Variants in XKR9 observed in about 807,000 individuals in gnomAD.
XKR9 encodes the protein XK related 9.
In XKR9, 32 loss-of-function variants were observed where a neutral mutation model predicts 32.0. The ratio of observed to expected loss-of-function variants is 1.00; its 90% CI spans 0.76 to 1.34. The LOEUF is 1.34. Among genes scored for constraint, XKR9 ranks in the 40% most tolerant of loss-of-function variants. The probability of loss-of-function intolerance (pLI) is 0.00; values close to 1 mark genes in which losing one functional copy is unlikely to be tolerated. For synonymous variants in XKR9, 168 were observed against 143.4 expected, an observed-to-expected ratio of 1.17 and a Z score of -1.22; for missense variants, 546 against 429.7, an observed-to-expected ratio of 1.27 and a Z score of -2.39.
chr8:70,724,725 A>T (rs1261724077), intron 4 of XKR9, among the ~76,000 whole-genome samples: 1 of 152,052 alleles, frequency 6.6e-6, no homozygotes, highest in Non-Finnish European at 1.5e-5. Flanking sequence ...AACCAGTCCC[A>T]ATGAGATGAA....
the XKR9 span, among the ~76,000 whole-genome samples, chr8:70,804,504 A>G: frequency 6.6e-6 from 1 of 152,248 alleles, no homozygotes; most frequent in African/African-American, 2.4e-5. Flanking sequence ...ATAACATAGT[A>G]CATGTAAAGC....
At chr8:71,050,081 A>G in the XKR9 span, among the ~76,000 whole-genome samples, 5 of 151,950 alleles carry the variant, frequency 3.3e-5, no homozygotes, top group Admixed American at 6.6e-5. Context: ...TCATGGCATC[A>G]TTGTTCTCTG....
At chr8:71,035,867 T>G in the XKR9 span, among the ~76,000 whole-genome samples, 1 of 152,100 alleles carries the variant, frequency 6.6e-6, no homozygotes, top group Non-Finnish European at 1.5e-5. Flanking sequence ...CATAATACCC[T>G]CATTCTAGAG....
At chr8:70,926,388 C>G in the XKR9 span, among the ~76,000 whole-genome samples, 1 of 152,168 alleles carries the variant, frequency 6.6e-6, no homozygotes, top group African/African-American at 2.4e-5. Context: ...ATTTCTTATA[C>G]CTTCACTATA....
At chr8:70,921,111 A>G in the XKR9 span, among the ~76,000 whole-genome samples, 3 of 152,268 alleles carry the variant, frequency 2.0e-5, no homozygotes, top group Non-Finnish European at 4.4e-5. Flanking sequence ...GTGGTGGACT[A>G]TAGCCAGAAA....
the XKR9 span, among the ~76,000 whole-genome samples, chr8:70,943,880 C>A: frequency 6.6e-6 from 1 of 151,796 alleles, no homozygotes; most frequent in African/African-American, 2.4e-5. Context: ...ATTTTTTTCC[C>A]AGACTAGGAA....
At chr8:70,862,505 G>C in the XKR9 span, among the ~76,000 whole-genome samples, 1 of 142,376 alleles carries the variant, frequency 7.0e-6, no homozygotes, top group East Asian at 1.9e-4. Context: ...GGCCAGTACA[G>C]ATTAGGCTTT....
At chr8:70,991,688 G>A in the XKR9 span, among the ~76,000 whole-genome samples, 3 of 152,156 alleles carry the variant, frequency 2.0e-5, no homozygotes, top group Admixed American at 1.3e-4. Flanking sequence ...CATAGGCATA[G>A]AACTATATGC....
chr8:70,706,163 T>G (rs955857509), intron 3 of XKR9, among the ~76,000 whole-genome samples: 1 of 152,100 alleles, frequency 6.6e-6, no homozygotes, highest in Admixed American at 6.6e-5. Flanking sequence ...TTGATAAGCT[T>G]TGGGGGAAGA....
At chr8:71,006,338 T>C in the XKR9 span, among the ~76,000 whole-genome samples, 1,342 of 152,332 alleles carry the variant, frequency 8.8e-3, 19 homozygotes, top group African/African-American at 0.031. Flanking sequence ...AAAAAGATTT[T>C]TTTTTTTAGC....
the XKR9 span, among the ~76,000 whole-genome samples, chr8:70,920,456 T>G: frequency 6.6e-6 from 1 of 151,542 alleles, no homozygotes; most frequent in African/African-American, 2.4e-5. Flanking sequence ...TTAAAAGAAA[T>G]AGTAATTGAA....
At chr8:70,689,013 C>T (rs767789965) in intron 3 of XKR9, among the ~76,000 whole-genome samples, 56 of 151,964 alleles carry the variant, frequency 3.7e-4, no homozygotes, top group Non-Finnish European at 7.2e-4. Context: ...TATAAAAATG[C>T]GTGCTAATAA....
chr8:70,980,983 T>C, the XKR9 span, among the ~76,000 whole-genome samples: 1 of 152,236 alleles, frequency 6.6e-6, no homozygotes, highest in South Asian at 2.1e-4. Flanking sequence ...TCTTCTAGCT[T>C]GTAGGGTTTC....
chr8:70,761,498 G>T (rs1037174701), intron 2 of XKR9, among the ~76,000 whole-genome samples: 10 of 152,146 alleles, frequency 6.6e-5, no homozygotes, highest in African/African-American at 2.4e-4. Context: ...TTGTTCGCAC[G>T]TGTCTTCTTT....
chr8:70,902,917 G>A, the XKR9 span, among the ~76,000 whole-genome samples: 1 of 151,910 alleles, frequency 6.6e-6, no homozygotes, highest in Non-Finnish European at 1.5e-5. Flanking sequence ...TTCTTTTTTG[G>A]TTCTGTTTAT....
chr8:70,816,807 G>T, the XKR9 span, among the ~76,000 whole-genome samples: 1 of 152,072 alleles, frequency 6.6e-6, no homozygotes, highest in Non-Finnish European at 1.5e-5. Flanking sequence ...GGGATGCAAG[G>T]TTGGTTCAAC....
the XKR9 span, among the ~76,000 whole-genome samples, chr8:70,899,873 T>G: frequency 1.3e-5 from 2 of 152,350 alleles, no homozygotes; most frequent in African/African-American, 4.8e-5. Flanking sequence ...ATAACAAAGC[T>G]GAGATCATTT....
intron 2 of XKR9, among the ~76,000 whole-genome samples, chr8:70,785,739 C>A (rs11777930): frequency 0.24 from 31,396 of 130,662 alleles, 3,664 homozygotes; most frequent in East Asian, 0.36. Context: ...CTCTCTCTCT[C>A]TATATATATA....
At chr8:70,888,506 G>A in the XKR9 span, among the ~76,000 whole-genome samples, 3 of 151,748 alleles carry the variant, frequency 2.0e-5, no homozygotes, top group African/African-American at 4.8e-5. Flanking sequence ...TGCTTTTGAG[G>A]TCTCATTTAT....
Sources: allele counts gnomAD v4.1 joint callset (sites outside exome capture counted in the v4.1 genomes callset), GRCh38; gene constraint gnomAD v4.1.1; transcripts MANE v1.5; gene names NCBI Gene and HGNC (gene_info 2026-07-23, HGNC 2026-07-21).